The following MALT1 variants were observed in gnomAD, a reference collection of about 807,000 sequenced individuals.
MALT1 encodes MALT1 paracaspase.
In MALT1, 36 loss-of-function variants were observed where a neutral mutation model predicts 85.5. The observed-to-expected ratio is 0.42, with a 90% CI of 0.32 to 0.56. MALT1 has a LOEUF of 0.56. Among genes scored for constraint, MALT1 ranks in the 20% least tolerant of loss-of-function variants. The pLI, the probability that MALT1 is intolerant of heterozygous loss-of-function variation, is 0.10. For synonymous variants in MALT1, 359 were observed against 361.3 expected (o/e 0.99, Z 0.07); for missense variants, 716 against 981.6 (o/e 0.73, Z 3.62).
Position 58,723,269 on chromosome 18 carries a change from T to C in MALT1, c.1222+18T>C, listed in dbSNP as rs1367396536. The C allele has an allele frequency of 1.3e-6, 2 of 1,565,926 alleles. No homozygotes were observed. ...AGTATATGGTAAGATATTTATAATGTTTGTTTTTACAATTATCCATTATTC... is the reference window on the plus strand; with the variant it reads ...AGTATATGGTAAGATATTTATAATGCTTGTTTTTACAATTATCCATTATTC... On this transcript the variant is annotated intron_variant, in intron 10 of 16. Coordinates refer to ENST00000649217, the MANE Select transcript of MALT1 (RefSeq NM_006785.4).
At chr18:58,713,973 T>TA (rs1263668556) in intron 7 of MALT1, 110 bp from the exon 8 acceptor site, 1 of 592,384 alleles carries the variant, frequency 1.7e-6, no homozygotes, top group Non-Finnish European at 3.1e-6. Context: ...TGTAAACTGA[T>TA]AAAACACTAT....
At chr18:58,678,457 G>A (rs1276679752) in intron 1 of MALT1, among the ~76,000 whole-genome samples, 2 of 151,734 alleles carry the variant, frequency 1.3e-5, no homozygotes, top group Non-Finnish European at 2.9e-5. Flanking sequence ...TTATGTCTGC[G>A]TGTGTGTGTG....
chr18:58,716,195 C>T (rs933146853), intron 9 of MALT1, among the ~76,000 whole-genome samples: 6 of 152,246 alleles, frequency 3.9e-5, no homozygotes, highest in Admixed American at 3.9e-4. Context: ...TTGTGTGTTT[C>T]TCACGATATG....
intron 4 of MALT1, among the ~76,000 whole-genome samples, chr18:58,703,308 G>C (rs777022825): frequency 2.0e-4 from 30 of 152,056 alleles, no homozygotes; most frequent in Non-Finnish European, 3.8e-4. Flanking sequence ...AGTGAGCCAA[G>C]ATTGCACCAT....
chr18:58,695,973 A>G, intron 2 of MALT1, among the ~76,000 whole-genome samples: 1 of 152,226 alleles, frequency 6.6e-6, no homozygotes, highest in East Asian at 1.9e-4. Context: ...TTATGACCAA[A>G]CATTTCCATG....
intron 2 of MALT1, among the ~76,000 whole-genome samples, chr18:58,685,684 G>A (rs2054391301): frequency 6.6e-6 from 1 of 152,114 alleles, no homozygotes; most frequent in African/African-American, 2.4e-5. Flanking sequence ...CTTTCTTGTC[G>A]AGCATTTCCA....
chr18:58,713,056 C>T (rs891250689), intron 7 of MALT1, among the ~76,000 whole-genome samples: 7 of 151,894 alleles, frequency 4.6e-5, no homozygotes, highest in Admixed American at 2.6e-4. Flanking sequence ...TGCTACTGAC[C>T]TAAATAACTA....
chr18:58,727,626 TTG>T lies in MALT1; in HGVS notation c.1222+4377_1222+4378del, dbSNP rs1454399071. Reference sequence around the variant, plus strand: ...CCAAAGGTTTTTTGTGTTTTTTTTTTTGTTTTTTTTTTTTTTGAGGAAAAAAA... The same window carrying T: ...CCAAAGGTTTTTTGTGTTTTTTTTTTTTTTTTTTTTTTTTGAGGAAAAAAA... On this transcript the variant is annotated intron_variant, in intron 10 of 16. Coordinates refer to ENST00000649217, the MANE Select transcript of MALT1 (RefSeq NM_006785.4). 9.4e-4 allele frequency among the ~76,000 whole-genome samples: 118 copies of T among 125,988 alleles called. 11 individuals carry two copies. The highest frequency in any genetic ancestry group is 2.9e-3 in the African/African-American group (102 of 35,104). 82.7% of individuals were successfully genotyped at this position (125,988 alleles called of 152,430 possible). A position where few individuals can be genotyped will look rare whatever the true frequency, so the allele number is the denominator to read the frequency against.
rs1167087688 is a variant in MALT1 at position 58,753,160 on chromosome 18, C to T, written c.*5318C>T. 3 of 152,144 alleles carry T rather than the reference C, an allele frequency of 2.0e-5. No individual in the cohort carries two copies. The highest frequency in any genetic ancestry group is 7.2e-5 in the African/African-American group (3 of 41,426). 9.4% of individuals were successfully genotyped at this position (152,144 alleles called of 1,614,324 possible). A position where few individuals can be genotyped will look rare whatever the true frequency, so the allele number is the denominator to read the frequency against. ...TGCTTTAAATCTGGCATTCTTAAAGCTATACCTGTAGGCAGTATAGAGTGT... is the reference window on the plus strand; with the variant it reads ...TGCTTTAAATCTGGCATTCTTAAAGTTATACCTGTAGGCAGTATAGAGTGT... On this transcript the variant is annotated 3_prime_UTR_variant, in exon 17 of 17. Transcript: ENST00000649217.
chr18:58,718,297 T>C (rs2054931971), intron 9 of MALT1, among the ~76,000 whole-genome samples: 1 of 152,194 alleles, frequency 6.6e-6, no homozygotes, highest in Non-Finnish European at 1.5e-5. Flanking sequence ...ACTTCTATCA[T>C]TGAAGTTCAC....
chr18:58,709,842 G>C, intron 5 of MALT1, 134 bp from the exon 6 acceptor site: 1 of 642,530 alleles, frequency 1.6e-6, no homozygotes, highest in Non-Finnish European at 2.7e-6. Context: ...CTGATGAATG[G>C]AGCTAATGTA....
At chr18:58,695,959 G>A (rs541585136) in intron 2 of MALT1, among the ~76,000 whole-genome samples, 5 of 152,340 alleles carry the variant, frequency 3.3e-5, no homozygotes, top group African/African-American at 1.2e-4. Flanking sequence ...AGCCATATGA[G>A]CATTTATGAC....
chr18:58,687,704 C>T, intron 2 of MALT1, among the ~76,000 whole-genome samples: 1 of 152,234 alleles, frequency 6.6e-6, no homozygotes, highest in Non-Finnish European at 1.5e-5. Context: ...TGATAAACTA[C>T]ATCAACATTT....
intron 2 of MALT1, among the ~76,000 whole-genome samples, chr18:58,685,031 A>G (rs904538343): frequency 1.3e-5 from 2 of 152,148 alleles, no homozygotes; most frequent in African/African-American, 4.8e-5. Flanking sequence ...AGGGGAGACA[A>G]ACATATAAAA....
intron 14 of MALT1, among the ~76,000 whole-genome samples, chr18:58,742,895 A>T (rs2055321189): frequency 6.6e-6 from 1 of 152,218 alleles, no homozygotes; most frequent in Non-Finnish European, 1.5e-5. Flanking sequence ...GTGAAAATCA[A>T]TCTGTAGCTT....
intron 8 of MALT1, among the ~76,000 whole-genome samples, chr18:58,714,578 G>A (rs1602314583): frequency 6.6e-6 from 1 of 152,224 alleles, no homozygotes; most frequent in Middle Eastern, 3.4e-3. Context: ...TGTGTTTGTG[G>A]GGATCATTGG....
chr18:58,715,792 T>A (rs1217412465), intron 8 of MALT1, 143 bp from the exon 9 acceptor site: 1 of 669,704 alleles, frequency 1.5e-6, no homozygotes, highest in Admixed American at 3.1e-5. Context: ...TTTTTTCCAT[T>A]CAAGAGTGTT....
chr18:58,740,522 C>T (rs1181826082), intron 13 of MALT1, among the ~76,000 whole-genome samples: 3 of 151,392 alleles, frequency 2.0e-5, no homozygotes, highest in Non-Finnish European at 4.4e-5. Flanking sequence ...TTTTCTTTGA[C>T]CTTTAAGTTA....
In MALT1 at chr18:58,748,700, T is replaced by G. The variant is rs1304620339; in HGVS notation, c.*858T>G. 1 of 194,326 alleles carries G rather than the reference T, an allele frequency of 5.1e-6. No individual in the cohort carries two copies. Among genetic ancestry groups the G allele is most frequent in the Non-Finnish European group, 1.1e-5 (1 of 93,112 alleles). 12.0% of individuals were successfully genotyped at this position (194,326 alleles called of 1,614,324 possible). On this transcript the variant is annotated 3_prime_UTR_variant, in exon 17 of 17. Transcript: ENST00000649217. ...TTCTTCTTGAATTTCACTGGCCTAA[T>G]GAGATAATACTCTTATCTTTGGCTC...
Sources: allele counts gnomAD v4.1 joint callset (sites outside exome capture counted in the v4.1 genomes callset), GRCh38; gene constraint gnomAD v4.1.1; transcripts MANE v1.5; gene names NCBI Gene and HGNC (gene_info 2026-07-23, HGNC 2026-07-21).